The following ULK4 variants were observed in gnomAD, a reference collection of about 807,000 sequenced individuals.
ULK4 encodes the protein unc-51 like kinase 4, also known as inactive serine/threonine-protein kinase ULK4.
ULK4 carries 133 observed loss-of-function variants against 160.6 expected under a neutral mutation model. That is an observed-to-expected ratio of 0.83 (90% CI 0.72 to 0.96). The LOEUF (loss-of-function observed/expected upper bound fraction) is 0.96. ULK4 is among the 40% of genes least tolerant of loss of function. ULK4 has a pLI of 0.00. For missense variants in ULK4, 1,580 were observed against 1,499.5 expected, an observed-to-expected ratio of 1.05 and a Z score of -0.89; for synonymous variants, 534 against 539.8, an observed-to-expected ratio of 0.99 and a Z score of 0.15.
chr3:41,502,807 T>G (rs1324836266), intron 32 of ULK4, among the ~76,000 whole-genome samples: 2 of 152,168 alleles, frequency 1.3e-5, no homozygotes, highest in Non-Finnish European at 2.9e-5. Context: ...GGAATTCACT[T>G]CAAGGGACAC....
intron 27 of ULK4, among the ~76,000 whole-genome samples, chr3:41,699,103 T>C (rs1176571174): frequency 6.6e-6 from 1 of 152,186 alleles, no homozygotes; most frequent in Non-Finnish European, 1.5e-5. Context: ...CTATTGAATA[T>C]ATATTTAGAA....
intron 30 of ULK4, among the ~76,000 whole-genome samples, chr3:41,630,168 A>T (rs1041714514): frequency 1.3e-5 from 2 of 152,208 alleles, no homozygotes; most frequent in African/African-American, 4.8e-5. Context: ...TATTACTCCA[A>T]TGTCCTACAG....
At chr3:41,410,646 T>C (rs1385213798) in intron 34 of ULK4, among the ~76,000 whole-genome samples, 1 of 152,178 alleles carries the variant, frequency 6.6e-6, no homozygotes, top group East Asian at 1.9e-4. Flanking sequence ...GTTAATTTTA[T>C]GGTATGTGAA....
chr3:41,736,888 T>C (rs2038072132), intron 22 of ULK4, among the ~76,000 whole-genome samples: 1 of 151,820 alleles, frequency 6.6e-6, no homozygotes, highest in East Asian at 1.9e-4. Flanking sequence ...AAGGAAGGGA[T>C]CCAGTTTCAG....
intron 18 of ULK4, among the ~76,000 whole-genome samples, chr3:41,820,758 A>G (rs6795797): frequency 0.31 from 47,890 of 152,038 alleles, 11,111 homozygotes; most frequent in African/African-American, 0.66. Flanking sequence ...AAACCTACAC[A>G]TGTACACCCT....
In ULK4 at chr3:41,789,726, T is replaced by C. The variant is rs1215273137; in HGVS notation, c.2128A>G (p.Met710Val). The C allele has an allele frequency of 5.6e-6, 9 of 1,613,440 alleles. No individual in the cohort carries two copies. The highest frequency in any genetic ancestry group is 5.1e-6 in the Non-Finnish European group (6 of 1,179,760). Residue 710 changes from methionine (M) to valine (V), a missense_variant, in exon 21 of 37, where the codon ATG (methionine) becomes GTG (valine). Physicochemically the swap from Met to Val is conservative, Grantham distance 21. Coordinates refer to ENST00000301831, the MANE Select transcript of ULK4 (RefSeq NM_017886.4). ...AACATGGCAGCGAATAAGGTCAACA[T>C]GTACTGCTGAACTTTGCAGATGGCA... ...ASAICKVQQY[M>V]LTLFAAMLSC...
At chr3:41,668,547 G>C (rs2035426235) in intron 29 of ULK4, among the ~76,000 whole-genome samples, 1 of 152,162 alleles carries the variant, frequency 6.6e-6, no homozygotes, top group Admixed American at 6.5e-5. Flanking sequence ...TGTGTAGTAA[G>C]CTGTGCCACC....
intron 23 of ULK4, among the ~76,000 whole-genome samples, chr3:41,717,051 T>TATTC (rs1484785842): frequency 2.0e-5 from 3 of 152,070 alleles, no homozygotes; most frequent in South Asian, 4.2e-4. Flanking sequence ...GAAGGGTGAA[T>TATTC]GGATGTGGAG....
At chr3:41,919,429 C>G (rs1350845128) in intron 6 of ULK4, among the ~76,000 whole-genome samples, 1 of 151,996 alleles carries the variant, frequency 6.6e-6, no homozygotes, top group Non-Finnish European at 1.5e-5. Context: ...TGGTGAGACC[C>G]GCTCTCTACT....
At chr3:41,856,902 T>G (rs577184486) in intron 17 of ULK4, among the ~76,000 whole-genome samples, 1 of 149,764 alleles carries the variant, frequency 6.7e-6, no homozygotes, top group Non-Finnish European at 1.5e-5. Flanking sequence ...GAGTGAGACC[T>G]TGTATAAAAC....
chr3:41,556,858 T>A (rs932954597), intron 32 of ULK4, among the ~76,000 whole-genome samples: 3 of 151,904 alleles, frequency 2.0e-5, no homozygotes, highest in Admixed American at 6.6e-5. Context: ...GAAAAAAAAA[T>A]TTTAATGAAG....
At chr3:41,490,596 A>C (rs1446356844) in intron 32 of ULK4, among the ~76,000 whole-genome samples, 2 of 152,164 alleles carry the variant, frequency 1.3e-5, no homozygotes, top group African/African-American at 2.4e-5. Context: ...CTTTCACATA[A>C]AATGTTTTTC....
At chr3:41,640,341 G>A (rs576306241) in intron 30 of ULK4, among the ~76,000 whole-genome samples, 44 of 152,136 alleles carry the variant, frequency 2.9e-4, no homozygotes, top group Non-Finnish European at 5.9e-4. Context: ...TTGGAGCCTA[G>A]CTCTGTATTT....
chr3:41,725,708 T>A (rs2037624897), intron 22 of ULK4, among the ~76,000 whole-genome samples: 1 of 152,232 alleles, frequency 6.6e-6, no homozygotes, highest in Non-Finnish European at 1.5e-5. Flanking sequence ...TTTATTGCTT[T>A]TATTCATATC....
At chr3:41,340,686 GAT>G (rs1559533138) in intron 35 of ULK4, among the ~76,000 whole-genome samples, 3 of 152,216 alleles carry the variant, frequency 2.0e-5, no homozygotes, top group African/African-American at 7.2e-5. Context: ...GGACAGGACA[GAT>G]ATGAACATTT....
intron 35 of ULK4, among the ~76,000 whole-genome samples, chr3:41,349,592 C>T (rs186245987): frequency 1.7e-4 from 26 of 152,228 alleles, no homozygotes; most frequent in African/African-American, 1.9e-4. Context: ...AGAATTACTA[C>T]GAGTAGTCAT....
intron 30 of ULK4, among the ~76,000 whole-genome samples, chr3:41,643,331 C>T (rs1415187512): frequency 6.6e-6 from 1 of 152,026 alleles, no homozygotes; most frequent in East Asian, 1.9e-4. Flanking sequence ...TTAGGTGTAA[C>T]GTTTAAGTCT....
chr3:41,457,985 T>A (rs1273667562), intron 33 of ULK4, among the ~76,000 whole-genome samples: 2 of 152,192 alleles, frequency 1.3e-5, no homozygotes, highest in African/African-American at 4.8e-5. Context: ...CATGATTTGG[T>A]GACAGATTAG....
At chr3:41,253,300 A>G (rs1192672237) in intron 35 of ULK4, among the ~76,000 whole-genome samples, 1 of 152,098 alleles carries the variant, frequency 6.6e-6, no homozygotes, top group Non-Finnish European at 1.5e-5. Context: ...GAAAAAATAC[A>G]TATAATATTG....
Sources: gnomAD v4.1 joint callset for allele counts (sites outside exome capture counted in the v4.1 genomes callset) on GRCh38, gnomAD v4.1.1 for gene constraint, MANE v1.5 for transcripts, NCBI Gene and HGNC (gene_info 2026-07-23, HGNC 2026-07-21) for gene names.